The following PCDH9 variants were observed in gnomAD, a reference collection of about 807,000 sequenced individuals.
The protein encoded by PCDH9 is protocadherin-9.
PCDH9 carries 24 observed loss-of-function variants against 70.6 expected under a neutral mutation model. The observed-to-expected ratio is 0.34, with a 90% CI of 0.25 to 0.48. PCDH9 has a LOEUF of 0.48. Among genes scored for constraint, PCDH9 ranks in the 20% least tolerant of loss-of-function variants. PCDH9 has a pLI of 0.99. For missense variants in PCDH9, 1,281 were observed against 1,503.6 expected, an observed-to-expected ratio of 0.85 and a Z score of 2.45; for synonymous variants, 562 against 558.5, an observed-to-expected ratio of 1.01 and a Z score of -0.09.
intron 2 of PCDH9, among the ~76,000 whole-genome samples, chr13:67,125,478 C>T (rs1418043514): frequency 1.3e-5 from 2 of 152,042 alleles, no homozygotes; most frequent in African/African-American, 4.8e-5. Context: ...CTCTTCTCTT[C>T]CCTTTGTTAC....
chr13:67,159,486 AAAAAG>A (rs1566463690), intron 2 of PCDH9, among the ~76,000 whole-genome samples: 1 of 152,202 alleles, frequency 6.6e-6, no homozygotes, highest in African/African-American at 2.4e-5. Context: ...TGGAATTTAC[AAAAAG>A]AAAAGCGTAG....
intron 4 of PCDH9, among the ~76,000 whole-genome samples, chr13:66,398,692 C>T (rs536947563): frequency 9.2e-5 from 14 of 152,254 alleles, no homozygotes; most frequent in East Asian, 3.8e-4. Context: ...ATTCACTATT[C>T]ATGTCAATCA....
intron 2 of PCDH9, among the ~76,000 whole-genome samples, chr13:66,941,581 T>C (rs1440457165): frequency 6.6e-6 from 1 of 151,820 alleles, no homozygotes; most frequent in Non-Finnish European, 1.5e-5. Context: ...ACTAGCACCA[T>C]TCAAAAGAAA....
intron 2 of PCDH9, among the ~76,000 whole-genome samples, chr13:67,138,671 C>A (rs966071777): frequency 3.3e-5 from 5 of 152,186 alleles, no homozygotes; most frequent in African/African-American, 1.2e-4. Context: ...TATGCTCAGG[C>A]CTGCGCCCGC....
At chr13:66,750,764 A>C (rs2079444878) in intron 3 of PCDH9, among the ~76,000 whole-genome samples, 1 of 152,134 alleles carries the variant, frequency 6.6e-6, no homozygotes, top group African/African-American at 2.4e-5. Context: ...GAGGCTTAGA[A>C]ATAAAATTTC....
At chr13:66,565,070 T>C (rs1489937675) in intron 4 of PCDH9, among the ~76,000 whole-genome samples, 1 of 152,092 alleles carries the variant, frequency 6.6e-6, no homozygotes, top group Non-Finnish European at 1.5e-5. Flanking sequence ...ACAATAATTG[T>C]ACTTTCAGTG....
chr13:67,148,051 G>T (rs1374384701), intron 2 of PCDH9, among the ~76,000 whole-genome samples: 2 of 152,140 alleles, frequency 1.3e-5, no homozygotes, highest in Non-Finnish European at 2.9e-5. Context: ...TCTTCTGAAA[G>T]GCTTCTTAGT....
chr13:66,535,903 A>ATATG (rs1424008098), intron 4 of PCDH9, among the ~76,000 whole-genome samples: 2 of 152,096 alleles, frequency 1.3e-5, no homozygotes, highest in African/African-American at 4.8e-5. Context: ...CTCCCCAAGA[A>ATATG]TATGATGCTA....
rs1034026715 is a variant in PCDH9, at chr13:66,602,803, A to T, written c.3340+28407T>A. ...AGAGCAACTTCCAGTCCTGCAATTT[A>T]AATTCATGGTGAATGACCTATATAA... is the stretch of plus-strand genomic sequence containing the variant. On this transcript the variant is annotated intron_variant, in intron 4 of 4. Coordinates refer to ENST00000377865, the MANE Select transcript of PCDH9 (RefSeq NM_203487.3). Among the ~76,000 whole-genome samples, 7 of 146,136 alleles carry T rather than the reference A, an allele frequency of 4.8e-5. No individual in the cohort carries two copies. In the East Asian group the frequency reaches 1.4e-3, roughly 28 times the overall value.
intron 3 of PCDH9, among the ~76,000 whole-genome samples, chr13:66,699,102 A>C (rs1368405199): frequency 6.6e-6 from 1 of 151,790 alleles, no homozygotes; most frequent in Non-Finnish European, 1.5e-5. Context: ...TTTGTAGCAA[A>C]GGGATTTCAC....
In PCDH9 at chr13:66,717,944, T is replaced by C. The variant is rs541783723; in HGVS notation, c.3139-86533A>G. Among the ~76,000 whole-genome samples, 23 of 152,274 alleles carry C rather than the reference T, an allele frequency of 1.5e-4. 1 individual carries two copies. The South Asian group carries it at 4.4e-3, about 29-fold the overall frequency. On this transcript the variant is annotated intron_variant, in intron 3 of 4. Coordinates refer to ENST00000377865, the MANE Select transcript of PCDH9 (RefSeq NM_203487.3). ...GTATTCCCAACAGTGATCAAAATAATCAGATCATGTTAACGCATACTGTTG... is the reference window on the plus strand; with the variant it reads ...GTATTCCCAACAGTGATCAAAATAACCAGATCATGTTAACGCATACTGTTG...
intron 4 of PCDH9, among the ~76,000 whole-genome samples, chr13:66,377,673 A>C (rs1214947796): frequency 6.6e-6 from 1 of 152,202 alleles, no homozygotes; most frequent in African/African-American, 2.4e-5. Context: ...TCTGAAGAAA[A>C]AAGCAGGGAG....
At chr13:66,578,247 T>G (rs1422273917) in intron 4 of PCDH9, among the ~76,000 whole-genome samples, 2 of 152,086 alleles carry the variant, frequency 1.3e-5, no homozygotes, top group Non-Finnish European at 2.9e-5. Flanking sequence ...CATATTATCT[T>G]CCTATTTGAA....
intron 3 of PCDH9, among the ~76,000 whole-genome samples, chr13:66,889,157 G>C (rs2082055955): frequency 6.6e-6 from 1 of 152,182 alleles, no homozygotes; most frequent in Admixed American, 6.5e-5. Context: ...ATCGTATTGA[G>C]AAAGTAAATG....
chr13:66,953,918 C>T (rs865805919), intron 2 of PCDH9, among the ~76,000 whole-genome samples: 6 of 152,194 alleles, frequency 3.9e-5, no homozygotes, highest in Admixed American at 6.5e-5. Context: ...TACTTCACCC[C>T]TCCGCTTTGC....
chr13:66,420,355 T>A (rs777574991), intron 4 of PCDH9, among the ~76,000 whole-genome samples: 4 of 152,190 alleles, frequency 2.6e-5, no homozygotes, highest in Non-Finnish European at 5.9e-5. Flanking sequence ...AGTGGGTCGC[T>A]GACCCCTGTG....
chr13:66,784,685 T>C (rs1042482477), intron 3 of PCDH9, among the ~76,000 whole-genome samples: 1 of 152,182 alleles, frequency 6.6e-6, no homozygotes, highest in African/African-American at 2.4e-5. Flanking sequence ...AACCGTTCCA[T>C]AAGTGTCTCC....
intron 4 of PCDH9, among the ~76,000 whole-genome samples, chr13:66,314,064 A>G (rs1481779363): frequency 1.3e-5 from 2 of 152,216 alleles, no homozygotes; most frequent in African/African-American, 4.8e-5. Context: ...GTTAATATGT[A>G]TATGAGTCAC....
At chr13:67,052,307 G>C (rs1347545996) in intron 2 of PCDH9, among the ~76,000 whole-genome samples, 1 of 152,090 alleles carries the variant, frequency 6.6e-6, no homozygotes, top group Non-Finnish European at 1.5e-5. Context: ...TTAATAAGGG[G>C]TTAGGGAAAG....
Sources: gnomAD v4.1 joint callset for allele counts (sites outside exome capture counted in the v4.1 genomes callset) on GRCh38, gnomAD v4.1.1 for gene constraint, MANE v1.5 for transcripts, NCBI Gene and HGNC (gene_info 2026-07-23, HGNC 2026-07-21) for gene names.